Variants in SLIT3 observed in about 807,000 individuals in gnomAD.
The protein encoded by SLIT3 is slit guidance ligand 3, also known as slit homolog 3 protein.
SLIT3 carries 68 observed loss-of-function variants against 184.0 expected under a neutral mutation model. That is an observed-to-expected ratio of 0.37 (90% CI 0.30 to 0.45). The LOEUF (loss-of-function observed/expected upper bound fraction) is 0.45, where lower values mean the gene tolerates loss of function less well. SLIT3 is among the 20% of genes least tolerant of loss of function. The pLI, the probability that SLIT3 is intolerant of heterozygous loss-of-function variation, is 1.00. For missense variants in SLIT3, 1,707 were observed against 2,026.0 expected (o/e 0.84, Z 3.02); for synonymous variants, 831 against 828.6 (o/e 1.00, Z -0.05).
intron 4 of SLIT3, among the ~76,000 whole-genome samples, chr5:169,075,408 G>T (rs568022782): frequency 6.6e-6 from 1 of 152,256 alleles, no homozygotes; most frequent in African/African-American, 2.4e-5. Flanking sequence ...TTTCTCTGCT[G>T]GTGTGTTTTG....
At chr5:168,696,165 TCA>T (rs1178335303) in intron 28 of SLIT3, 125 bp downstream of exon 28, 25 of 1,197,544 alleles carry the variant, frequency 2.1e-5, no homozygotes, top group Non-Finnish European at 4.9e-6. Context: ...TCTTGGCATA[TCA>T]CAGTCTTGGG....
At chr5:168,768,143 T>C (rs1755408861) in intron 14 of SLIT3, 1 of 510,770 alleles carries the variant, frequency 2.0e-6, no homozygotes, top group Non-Finnish European at 4.0e-6. Context: ...TGGCGGGCCA[T>C]GCTGCAGGAG....
At chr5:168,713,890 G>C (rs998250450) in intron 23 of SLIT3, among the ~76,000 whole-genome samples, 16 of 152,240 alleles carry the variant, frequency 1.1e-4, no homozygotes, top group Non-Finnish European at 5.9e-5. Flanking sequence ...GACGCCAGTA[G>C]CAAGGGTTTA....
intron 4 of SLIT3, among the ~76,000 whole-genome samples, chr5:169,066,942 G>GAAAAAAAA (rs60977256): frequency 1.2e-5 from 1 of 80,444 alleles, no homozygotes; most frequent in Non-Finnish European, 2.6e-5. Context: ...TCCCTTTCCT[G>GAAAAAAAA]AAAAAAAAAA....
At chr5:169,099,873 G>A (rs115786452) in intron 4 of SLIT3, among the ~76,000 whole-genome samples, 2,152 of 152,334 alleles carry the variant, frequency 0.014, 21 homozygotes, top group Non-Finnish European at 0.02. Context: ...GGTGTGCCCC[G>A]AAGGCAAGGA....
At chr5:169,207,950 C>T (rs1176102665) in intron 3 of SLIT3, among the ~76,000 whole-genome samples, 1 of 152,124 alleles carries the variant, frequency 6.6e-6, no homozygotes, top group Non-Finnish European at 1.5e-5. Context: ...TTGGACTTCC[C>T]CTTATTTATT....
chr5:168,961,858 A>ATG (rs35895529), intron 4 of SLIT3, among the ~76,000 whole-genome samples: 67,811 of 148,338 alleles, frequency 0.46, 15,291 homozygotes, highest in African/African-American at 0.52. Context: ...GCATGCACGC[A>ATG]TGTGTGTGTG....
rs568091916 is a variant in SLIT3, at chr5:169,142,536, A to C, written c.413+50943T>G. Among the ~76,000 whole-genome samples, 22 of 152,304 alleles carry C rather than the reference A, an allele frequency of 1.4e-4. No homozygotes were observed. In the Middle Eastern group the frequency reaches 0.017, roughly 118 times the overall value. ...GCAGTTCATTAGCTCTAAGACTGAG[A>C]GTATAAACTGGGACTCCTGGAATGA... On this transcript the variant is annotated intron_variant, in intron 4 of 35. Transcript: ENST00000519560.
At chr5:168,977,377 C>T (rs1296145200) in intron 4 of SLIT3, among the ~76,000 whole-genome samples, 2 of 152,190 alleles carry the variant, frequency 1.3e-5, no homozygotes, top group African/African-American at 2.4e-5. Flanking sequence ...ATGTGCTGGC[C>T]TTATGGCTAA....
At chr5:168,859,957 C>T (rs1360451579) in intron 5 of SLIT3, among the ~76,000 whole-genome samples, 4 of 151,800 alleles carry the variant, frequency 2.6e-5, no homozygotes, top group Non-Finnish European at 5.9e-5. Flanking sequence ...ACTTACTTAT[C>T]TATGATCCTA....
At chr5:169,047,313 C>T (rs932601740) in intron 4 of SLIT3, among the ~76,000 whole-genome samples, 1 of 152,150 alleles carries the variant, frequency 6.6e-6, no homozygotes, top group African/African-American at 2.4e-5. Flanking sequence ...TTCCCCTTGA[C>T]CTCTTCTCCC....
intron 4 of SLIT3, among the ~76,000 whole-genome samples, chr5:168,963,288 C>T (rs765349833): frequency 6.6e-6 from 1 of 152,234 alleles, no homozygotes; most frequent in Non-Finnish European, 1.5e-5. Flanking sequence ...TCTCCTGCCT[C>T]AGCCTCCTGA....
chr5:168,798,064 C>T (rs776740573), intron 9 of SLIT3, among the ~76,000 whole-genome samples: 5 of 152,016 alleles, frequency 3.3e-5, no homozygotes, highest in Non-Finnish European at 7.4e-5. Flanking sequence ...GATGTGAATA[C>T]ACATAAGACA....
At chr5:169,041,881 C>G (rs13164436) in intron 4 of SLIT3, among the ~76,000 whole-genome samples, 1 of 152,320 alleles carries the variant, frequency 6.6e-6, no homozygotes. Flanking sequence ...AAGATAGTTC[C>G]TCTTAGGAAC....
chr5:169,190,166 A>T (rs1480773409), intron 4 of SLIT3, among the ~76,000 whole-genome samples: 1 of 152,192 alleles, frequency 6.6e-6, no homozygotes, highest in Non-Finnish European at 1.5e-5. Flanking sequence ...ATGACCAAGC[A>T]TTGGTTGGCT....
At chr5:169,272,584 G>A (rs919571427) in intron 1 of SLIT3, among the ~76,000 whole-genome samples, 1 of 152,226 alleles carries the variant, frequency 6.6e-6, no homozygotes, top group Non-Finnish European at 1.5e-5. Flanking sequence ...AACAGTGGGG[G>A]ATTTGAATGC....
intron 4 of SLIT3, among the ~76,000 whole-genome samples, chr5:169,188,660 C>G (rs1455717922): frequency 6.6e-6 from 1 of 152,196 alleles, no homozygotes; most frequent in Non-Finnish European, 1.5e-5. Flanking sequence ...AGCATACGCA[C>G]TACTCTCATC....
intron 20 of SLIT3, among the ~76,000 whole-genome samples, chr5:168,738,667 G>T (rs1391119233): frequency 6.6e-6 from 1 of 152,182 alleles, no homozygotes. Context: ...GGCTGGGCAC[G>T]GTGGCTCATG....
At chr5:168,806,255 C>T (rs562651180) in intron 9 of SLIT3, among the ~76,000 whole-genome samples, 191 bp downstream of exon 9, 5 of 152,270 alleles carry the variant, frequency 3.3e-5, no homozygotes, top group African/African-American at 9.6e-5. Flanking sequence ...ATTCTGATCT[C>T]GAGTCTATGC....
Sources: allele counts gnomAD v4.1 joint callset (sites outside exome capture counted in the v4.1 genomes callset), GRCh38; gene constraint gnomAD v4.1.1; transcripts MANE v1.5; gene names NCBI Gene and HGNC (gene_info 2026-07-23, HGNC 2026-07-21).